The following TMEM232 variants were observed in gnomAD, a reference collection of about 807,000 sequenced individuals.
TMEM232 encodes transmembrane protein 232.
TMEM232 carries 80 observed loss-of-function variants against 78.8 expected under a neutral mutation model. That is an observed-to-expected ratio of 1.01 (90% CI 0.85 to 1.22). TMEM232 has a LOEUF of 1.22. Among genes scored for constraint, TMEM232 ranks in the 50% most tolerant of loss-of-function variants. The probability of loss-of-function intolerance (pLI) is 0.00; values close to 1 mark genes in which losing one functional copy is unlikely to be tolerated. For missense variants in TMEM232, 881 were observed against 742.2 expected (o/e 1.19, Z -2.17); for synonymous variants, 297 against 254.3 (o/e 1.17, Z -1.60).
chr5:110,725,490 G>GATTCTGAT (rs1437362419), intron 1 of TMEM232: 2 of 152,146 alleles, frequency 1.3e-5, no homozygotes, highest in Non-Finnish European at 2.9e-5. Context: ...AACAATGAAT[G>GATTCTGAT]ATTCTGATAA....
At chr5:110,704,405 CCT>C (rs1057342335) in intron 1 of TMEM232, among the ~76,000 whole-genome samples, 1 of 152,072 alleles carries the variant, frequency 6.6e-6, no homozygotes, top group African/African-American at 2.4e-5. Context: ...CTCTAAGATT[CCT>C]GAGCCCTTCA....
chr5:110,495,466 G>T (rs983477758), intron 12 of TMEM232, among the ~76,000 whole-genome samples: 1 of 151,838 alleles, frequency 6.6e-6, no homozygotes, highest in East Asian at 1.9e-4. Flanking sequence ...TTTCAGAGAC[G>T]ATCTGTCTTG....
intron 12 of TMEM232, among the ~76,000 whole-genome samples, chr5:110,514,204 T>G (rs1407868058): frequency 6.6e-6 from 1 of 152,132 alleles, no homozygotes; most frequent in African/African-American, 2.4e-5. Context: ...ATGTCTGGCA[T>G]AGTCAAAACC....
intron 1 of TMEM232, among the ~76,000 whole-genome samples, chr5:110,720,171 T>C (rs1797446040): frequency 6.6e-6 from 1 of 152,144 alleles, no homozygotes; most frequent in South Asian, 2.1e-4. Context: ...TCCAAGCCAC[T>C]ATTCTAGGAG....
At chr5:110,738,170 T>TC, upstream of TMEM232, 2 of 1,250,116 alleles carry the variant, frequency 1.6e-6, no homozygotes, top group South Asian at 2.6e-5. Flanking sequence ...TGAAGGAACA[T>TC]AGGATGAAAC....
At chr5:110,558,940 A>G (rs1019874903) in intron 11 of TMEM232, among the ~76,000 whole-genome samples, 16 of 152,260 alleles carry the variant, frequency 1.1e-4, no homozygotes, top group African/African-American at 3.8e-4. Flanking sequence ...TGGCAACCCC[A>G]TGCAGGGTTC....
At chr5:110,490,994 TA>T (rs1428379432) in intron 12 of TMEM232, among the ~76,000 whole-genome samples, 1 of 152,026 alleles carries the variant, frequency 6.6e-6, no homozygotes, top group East Asian at 1.9e-4. Context: ...TCATCAAAAC[TA>T]AAAACTTTTG....
rs184992391 is a variant in TMEM232 at position 110,708,826 on chromosome 5, G to C, written c.-13+17801C>G. 2.0e-5 allele frequency among the ~76,000 whole-genome samples: 3 copies of C among 151,884 alleles called. No individual in the cohort carries two copies. In the East Asian group the frequency reaches 5.8e-4, roughly 29 times the overall value. ...AACAAAGACAGGAAGAAAGGAAAGA[G>C]GGAACAGAAGACCGCAAAACAAATA... On this transcript the variant is annotated intron_variant, in intron 1 of 13. Coordinates refer to ENST00000455884, the MANE Select transcript of TMEM232 (RefSeq NM_001039763.4).
intron 2 of TMEM232, among the ~76,000 whole-genome samples, chr5:110,402,366 A>C (rs935943745): frequency 1.3e-5 from 2 of 152,092 alleles, no homozygotes; most frequent in African/African-American, 4.8e-5. Context: ...CTCTTTCAGG[A>C]CTTCAATCAA....
At chr5:110,433,909 A>G (rs530043129) in intron 12 of TMEM232, among the ~76,000 whole-genome samples, 1 of 152,164 alleles carries the variant, frequency 6.6e-6, no homozygotes, top group East Asian at 1.9e-4. Context: ...TTTTCTATCT[A>G]TGTTCATCAG....
intron 10 of TMEM232, among the ~76,000 whole-genome samples, chr5:110,598,797 T>C (rs1273634402): frequency 6.2e-4 from 84 of 134,972 alleles, no homozygotes; most frequent in Non-Finnish European, 9.3e-4. Context: ...CACTCATAGA[T>C]GGGAATTGAA....
At chr5:110,622,069 T>C (rs576592067) in intron 7 of TMEM232, among the ~76,000 whole-genome samples, 30 of 152,272 alleles carry the variant, frequency 2.0e-4, no homozygotes, top group Admixed American at 5.2e-4. Context: ...TGGGGGATGA[T>C]TGACATTGCC....
Position 110,407,354 on chromosome 5 carries a change from G to A in TMEM232, n.309-9500C>T, listed in dbSNP as rs551653593. 2.6e-5 allele frequency among the ~76,000 whole-genome samples: 4 copies of A among 152,130 alleles called. No homozygotes were observed. In the South Asian group the frequency reaches 8.3e-4, roughly 32 times the overall value. On this transcript the variant is annotated intron_variant and non_coding_transcript_variant, in intron 2 of 8. Transcript: ENST00000507188. ...CAGAAAAAGATATTCCCTGCAAATG[G>A]AAACCATAAAAGAGAGGAGTAACTA... is the stretch of plus-strand genomic sequence containing the variant.
At chr5:110,583,836 C>T (rs900813499) in intron 10 of TMEM232, among the ~76,000 whole-genome samples, 4 of 151,554 alleles carry the variant, frequency 2.6e-5, no homozygotes, top group Admixed American at 2.6e-4. Context: ...CTTAAATAGA[C>T]ATTTCTCCAA....
chr5:110,496,067 A>C (rs1427112741), intron 12 of TMEM232, among the ~76,000 whole-genome samples: 1 of 151,858 alleles, frequency 6.6e-6, no homozygotes, highest in Non-Finnish European at 1.5e-5. Context: ...AATTGCATTC[A>C]AATCACAAAA....
At chr5:110,448,485 A>G (rs1759908654) in intron 12 of TMEM232, among the ~76,000 whole-genome samples, 1 of 152,082 alleles carries the variant, frequency 6.6e-6, no homozygotes, top group Non-Finnish European at 1.5e-5. Context: ...TGAACACTCA[A>G]TTACATTAAA....
At position 110,419,966 on chromosome 5, in the gene TMEM232, TA is replaced by T. The variant is rs1554074403; in HGVS notation, c.*613del. The T allele has an allele frequency of 6.6e-6, 1 of 152,098 alleles. No individual in the cohort carries two copies. Among genetic ancestry groups the T allele is most frequent in the Non-Finnish European group, 1.5e-5 (1 of 68,036 alleles). 9.4% of individuals were successfully genotyped at this position (152,098 alleles called of 1,614,324 possible). On this transcript the variant is annotated 3_prime_UTR_variant, in exon 14 of 14. Coordinates refer to ENST00000455884, the MANE Select transcript of TMEM232 (RefSeq NM_001039763.4). The stretch of plus-strand genomic sequence containing the variant: ...ATTCTCATAAACTCACAGAACAGAG[TA>T]AAACCACCATCTCTCAGGAATCCCC...
At chr5:110,722,580 T>TCC (rs1797755826) in intron 1 of TMEM232, among the ~76,000 whole-genome samples, 1 of 152,042 alleles carries the variant, frequency 6.6e-6, no homozygotes, top group Admixed American at 6.6e-5. Flanking sequence ...GAGGCTGGCT[T>TCC]CCCCCAGAGA....
chr5:110,604,512 A>G (rs1259740442), intron 10 of TMEM232, among the ~76,000 whole-genome samples: 3 of 152,174 alleles, frequency 2.0e-5, no homozygotes, highest in Non-Finnish European at 2.9e-5. Flanking sequence ...AAGAAGATAA[A>G]TCCTATGGGG....
Sources: allele counts gnomAD v4.1 joint callset (sites outside exome capture counted in the v4.1 genomes callset), GRCh38; gene constraint gnomAD v4.1.1; transcripts MANE v1.5; gene names NCBI Gene and HGNC (gene_info 2026-07-23, HGNC 2026-07-21).